ST3GAL3: variants seen among roughly 807,000 people sequenced by gnomAD.
The protein encoded by ST3GAL3 is CMP-N-acetylneuraminate-beta-1,4-galactoside alpha-2,3-sialyltransferase.
In ST3GAL3, 21 loss-of-function variants were observed where a neutral mutation model predicts 50.1. The ratio of observed to expected loss-of-function variants is 0.42; its 90% CI spans 0.30 to 0.60. The LOEUF (loss-of-function observed/expected upper bound fraction) is 0.60, where lower values mean the gene tolerates loss of function less well. Ranked by LOEUF, ST3GAL3 falls within the 20% of genes least tolerant of loss-of-function variation. The pLI, the probability that ST3GAL3 is intolerant of heterozygous loss-of-function variation, is 0.19. For missense variants in ST3GAL3, 353 were observed against 489.4 expected (o/e 0.72, Z 2.63); for synonymous variants, 183 against 190.0 (o/e 0.96, Z 0.30).
chr1:43,862,321 A>G (rs982250081), intron 5 of ST3GAL3, among the ~76,000 whole-genome samples: 2 of 152,168 alleles, frequency 1.3e-5, no homozygotes, highest in African/African-American at 4.8e-5. Flanking sequence ...GTGCACCTCT[A>G]TCTGTAACAG....
intron 6 of ST3GAL3, among the ~76,000 whole-genome samples, chr1:43,895,849 G>A (rs535953485): frequency 2.6e-5 from 4 of 152,280 alleles, no homozygotes; most frequent in South Asian, 2.1e-4. Flanking sequence ...AGCTACAAAG[G>A]CCAGGGAAGT....
chr1:43,804,154 T>C (rs986967392), intron 3 of ST3GAL3, among the ~76,000 whole-genome samples: 1 of 151,896 alleles, frequency 6.6e-6, no homozygotes, highest in African/African-American at 2.4e-5. Flanking sequence ...ACCCGAGAGG[T>C]GAATAGTCCC....
At chr1:43,732,029 A>G (rs1322764042) in intron 1 of ST3GAL3, among the ~76,000 whole-genome samples, 1 of 152,170 alleles carries the variant, frequency 6.6e-6, no homozygotes, top group Non-Finnish European at 1.5e-5. Context: ...TGTTGCCAGT[A>G]TGGGGCCATA....
intron 3 of ST3GAL3, among the ~76,000 whole-genome samples, chr1:43,805,488 G>T (rs1355493187): frequency 6.6e-6 from 1 of 152,242 alleles, no homozygotes; most frequent in Non-Finnish European, 1.5e-5. Flanking sequence ...GGAGAGCACA[G>T]ATAAGGTGCA....
chr1:43,720,143 C>T (rs1422747648), intron 1 of ST3GAL3, among the ~76,000 whole-genome samples: 3 of 151,620 alleles, frequency 2.0e-5, no homozygotes, highest in Non-Finnish European at 4.4e-5. Flanking sequence ...GCAGGAAGAT[C>T]GCTTGAGCCT....
At chr1:43,709,002 A>G (rs1000635831) in intron 1 of ST3GAL3, among the ~76,000 whole-genome samples, 1 of 152,250 alleles carries the variant, frequency 6.6e-6, no homozygotes, top group African/African-American at 2.4e-5. Context: ...TATGGTCTCT[A>G]GAATTCCAAG....
chr1:43,723,955 A>G (rs966426399), intron 1 of ST3GAL3, among the ~76,000 whole-genome samples: 6 of 152,196 alleles, frequency 3.9e-5, no homozygotes, highest in African/African-American at 1.4e-4. Flanking sequence ...AAGAGTCAGC[A>G]TAATGGTGGT....
intron 1 of ST3GAL3, among the ~76,000 whole-genome samples, chr1:43,718,229 G>T (rs1284528675): frequency 8.4e-6 from 1 of 119,072 alleles, no homozygotes; most frequent in African/African-American, 3.4e-5. Context: ...TTGCTCTGTC[G>T]CCCAGGCTGG....
At chr1:43,921,348 C>T (rs190253947) in intron 11 of ST3GAL3, 1 of 465,348 alleles carries the variant, frequency 2.1e-6, no homozygotes, top group African/African-American at 1.9e-5. Context: ...TGCAGCTCTT[C>T]ATACCCCGAA....
chr1:43,771,140 T>G (rs560494269), intron 2 of ST3GAL3, among the ~76,000 whole-genome samples: 3 of 152,266 alleles, frequency 2.0e-5, no homozygotes, highest in Non-Finnish European at 2.9e-5. Context: ...ATTTTCATCC[T>G]CTATTTTGTC....
intron 5 of ST3GAL3, among the ~76,000 whole-genome samples, chr1:43,862,543 A>G: frequency 6.6e-6 from 1 of 151,924 alleles, no homozygotes; most frequent in Non-Finnish European, 1.5e-5. Flanking sequence ...GTGTTCTGCC[A>G]TGTCCAGGCC....
chr1:43,926,571 C>T (rs189942159), intron 11 of ST3GAL3, among the ~76,000 whole-genome samples: 24 of 147,272 alleles, frequency 1.6e-4, no homozygotes, highest in African/African-American at 5.9e-4. Context: ...CACCATTGCA[C>T]TCCAGCCTCG....
Position 43,899,432 on chromosome 1 carries a change from A to T in ST3GAL3, c.558-109A>T. On this transcript the variant is annotated intron_variant, in intron 8 of 11. Transcript: ENST00000347631. This position sits in a 1 kb window ranked among gnomAD's most constrained non-coding sequence, Gnocchi z 5.4. ...ACAACTAGCGGGGGCACCTGGGGAG[A>T]ATAGGTCCAGGTGACCTGGACTCCC... 7 of 1,578,014 alleles carry T rather than the reference A, an allele frequency of 4.4e-6. No individual in the cohort carries two copies. The highest frequency in any genetic ancestry group is 6.0e-6 in the Non-Finnish European group (7 of 1,161,078).
intron 4 of ST3GAL3, among the ~76,000 whole-genome samples, chr1:43,816,624 A>G (rs2061277471): frequency 1.3e-5 from 2 of 152,236 alleles, no homozygotes; most frequent in East Asian, 3.8e-4. Flanking sequence ...TCTAGGACAT[A>G]CTACAGTATT....
rs1204878647 is a variant in ST3GAL3 at position 43,797,250 on chromosome 1, CA to C, written c.166+5108del. Among the ~76,000 whole-genome samples, 3 of 151,180 alleles carry C rather than the reference CA, an allele frequency of 2.0e-5. No individual in the cohort carries two copies. In the South Asian group the frequency reaches 6.3e-4, roughly 32 times the overall value. ...TTTTTTAAATGAAGGTCTTAGCAAA[CA>C]AAAAAAGAGGAAGAAAATATAAAGA... On this transcript the variant is annotated intron_variant, in intron 3 of 11. Coordinates refer to ENST00000347631, the MANE Select transcript of ST3GAL3 (RefSeq NM_006279.5).
At chr1:43,825,504 A>G (rs1406529761) in intron 4 of ST3GAL3, among the ~76,000 whole-genome samples, 1 of 152,222 alleles carries the variant, frequency 6.6e-6, no homozygotes, top group African/African-American at 2.4e-5. Flanking sequence ...TTCCTTATCT[A>G]TAATTGAAAT....
chr1:43,725,529 C>G (rs954595052), intron 1 of ST3GAL3, among the ~76,000 whole-genome samples: 17 of 152,120 alleles, frequency 1.1e-4, no homozygotes, highest in African/African-American at 4.1e-4. Flanking sequence ...ACAGGGAGGC[C>G]AAGTGCAGTC....
At chr1:43,844,534 G>T (rs919538589) in intron 5 of ST3GAL3, among the ~76,000 whole-genome samples, 2 of 152,302 alleles carry the variant, frequency 1.3e-5, no homozygotes, top group East Asian at 3.9e-4. Context: ...ATTGGTGGCC[G>T]GGCACGGTGG....
chr1:43,805,542 C>T (rs1021333700), intron 3 of ST3GAL3, among the ~76,000 whole-genome samples: 3 of 152,212 alleles, frequency 2.0e-5, no homozygotes, highest in African/African-American at 7.2e-5. Flanking sequence ...GTTCGTTCAA[C>T]ATTCCTTCCA....
Sources: allele counts gnomAD v4.1 joint callset (sites outside exome capture counted in the v4.1 genomes callset), GRCh38; gene constraint gnomAD v4.1.1; non-coding constraint Gnocchi (gnomAD v3.1); transcripts MANE v1.5; gene names NCBI Gene and HGNC (gene_info 2026-07-23, HGNC 2026-07-21).